The following HDAC9 variants were observed in gnomAD, a reference collection of about 807,000 sequenced individuals.
HDAC9 encodes the protein MEF-2 interacting transcription repressor (MITR) protein.
A neutral mutation model predicts 139.4 loss-of-function variants in HDAC9; 41 were observed. The ratio of observed to expected loss-of-function variants is 0.29; its 90% CI spans 0.23 to 0.38. HDAC9 has a LOEUF of 0.38. HDAC9 is among the 10% of genes least tolerant of loss of function. HDAC9 has a pLI of 1.00. For missense variants in HDAC9, 1,147 were observed against 1,297.0 expected (o/e 0.88, Z 1.78); for synonymous variants, 517 against 476.2 (o/e 1.09, Z -1.12).
At chr7:18,172,967 CT>C (rs1307436942) in intron 2 of HDAC9, among the ~76,000 whole-genome samples, 1 of 152,122 alleles carries the variant, frequency 6.6e-6, no homozygotes, top group Non-Finnish European at 1.5e-5. Flanking sequence ...TCTATTAGGT[CT>C]GCTTGGTGCA....
At chr7:18,122,313 T>C (rs1784409634) in intron 1 of HDAC9, among the ~76,000 whole-genome samples, 1 of 152,168 alleles carries the variant, frequency 6.6e-6, no homozygotes, top group African/African-American at 2.4e-5. Context: ...AGTATTCTTG[T>C]AGCGGGAGAA....
chr7:18,620,916 T>C (rs975070136), intron 6 of HDAC9, among the ~76,000 whole-genome samples: 15 of 152,190 alleles, frequency 9.9e-5, no homozygotes, highest in African/African-American at 2.7e-4. Flanking sequence ...TCTATTTACA[T>C]TGATAGAAGG....
At chr7:18,483,958 A>G (rs769759574) in intron 1 of HDAC9, among the ~76,000 whole-genome samples, 25 of 152,124 alleles carry the variant, frequency 1.6e-4, no homozygotes, top group Non-Finnish European at 2.5e-4. Flanking sequence ...CTATGTAATG[A>G]TCTACACAGT....
At position 18,146,296 on chromosome 7, in the gene HDAC9, A is replaced by G. The variant is rs187888510; in HGVS notation, c.-96-15933A>G. On this transcript the variant is annotated intron_variant, in intron 1 of 12. Coordinates refer to the HDAC9 transcript ENST00000417496. Reference sequence around the variant, plus strand: ...CCATTAGTACGTTGAATAGTATTCTATAAATGAATCTAGAATAATATGTTT... The same window carrying G: ...CCATTAGTACGTTGAATAGTATTCTGTAAATGAATCTAGAATAATATGTTT... 1.3e-3 allele frequency among the ~76,000 whole-genome samples: 196 copies of G among 152,326 alleles called. 1 individual carries two copies. Among genetic ancestry groups the G allele is most frequent in the Admixed American group, 2.5e-3 (38 of 15,302 alleles).
intron 25 of HDAC9, among the ~76,000 whole-genome samples, chr7:18,990,327 C>G (rs554024907): frequency 5.9e-4 from 89 of 151,808 alleles, no homozygotes; most frequent in African/African-American, 2.2e-3. Flanking sequence ...TCAGTGTGCC[C>G]CTGCTGAGGG....
chr7:18,246,605 G>A (rs991908325), intron 2 of HDAC9, among the ~76,000 whole-genome samples: 28 of 152,232 alleles, frequency 1.8e-4, no homozygotes, highest in African/African-American at 5.8e-4. Flanking sequence ...AGAGGCTCAT[G>A]TGGGCTGGAG....
chr7:18,643,795 A>G (rs776604603), intron 8 of HDAC9, among the ~76,000 whole-genome samples: 13 of 152,110 alleles, frequency 8.5e-5, no homozygotes, highest in African/African-American at 3.1e-4. Context: ...CCACTGTGTC[A>G]TACTGTTACA....
intron 22 of HDAC9, among the ~76,000 whole-genome samples, chr7:18,905,372 C>T (rs1802138222): frequency 6.6e-6 from 1 of 152,212 alleles, no homozygotes; most frequent in African/African-American, 2.4e-5. Context: ...TGTTGTCCCT[C>T]AGAAGCTAGA....
intron 24 of HDAC9, among the ~76,000 whole-genome samples, chr7:18,969,724 A>G (rs1784126656): frequency 6.6e-6 from 1 of 151,388 alleles, no homozygotes; most frequent in Non-Finnish European, 1.5e-5. Context: ...CGAACTTTGG[A>G]TGGATTAATG....
At chr7:18,822,351 T>TTGA (rs1377712136) in intron 17 of HDAC9, among the ~76,000 whole-genome samples, 1 of 141,944 alleles carries the variant, frequency 7.0e-6, no homozygotes, top group Non-Finnish European at 1.5e-5. Context: ...TGTTTGTTTG[T>TTGA]TGTTGTTGTT....
At chr7:18,266,757 A>G (rs1288588676) in intron 2 of HDAC9, among the ~76,000 whole-genome samples, 2 of 152,288 alleles carry the variant, frequency 1.3e-5, no homozygotes, top group African/African-American at 2.4e-5. Context: ...TTTACCTGCC[A>G]TCACTTCTGT....
chr7:18,631,835 A>T (rs73063173), intron 7 of HDAC9, among the ~76,000 whole-genome samples: 18,928 of 151,898 alleles, frequency 0.12, 1,433 homozygotes, highest in East Asian at 0.35. Context: ...TCATACACTG[A>T]GATCAGAGAT....
In HDAC9 at chr7:18,934,521, T is replaced by C. The variant is rs190144085; in HGVS notation, c.2804-1288T>C. ...AATGTAACTAACAGCACTGTGAAAT[T>C]ATGGGGAAAAGTCTATCTGTGTAAA... On this transcript the variant is annotated intron_variant, in intron 22 of 25. Transcript: ENST00000686413. 9.2e-5 allele frequency among the ~76,000 whole-genome samples: 14 copies of C among 152,262 alleles called. No homozygotes were observed. The East Asian group carries it at 2.7e-3, about 29-fold the overall frequency.
intron 2 of HDAC9, among the ~76,000 whole-genome samples, chr7:18,565,879 C>T (rs1205195552): frequency 1.3e-5 from 2 of 149,958 alleles, no homozygotes; most frequent in African/African-American, 2.5e-5. Flanking sequence ...ACCCTGGCAA[C>T]TTTAATTGGC....
chr7:18,904,725 G>A (rs1210922590), intron 22 of HDAC9, among the ~76,000 whole-genome samples: 6 of 151,050 alleles, frequency 4.0e-5, no homozygotes, highest in South Asian at 2.1e-4. Flanking sequence ...ACAGGCAACC[G>A]CCACCACGCC....
chr7:18,585,607 G>C, intron 3 of HDAC9, 85 bp downstream of exon 3: 1 of 1,491,224 alleles, frequency 6.7e-7, no homozygotes, highest in Non-Finnish European at 9.1e-7. Context: ...ACACTTTGCG[G>C]GTAGATTCAC....
intron 1 of HDAC9, among the ~76,000 whole-genome samples, chr7:18,487,804 A>G (rs1006327976): frequency 6.6e-6 from 1 of 152,064 alleles, no homozygotes; most frequent in African/African-American, 2.4e-5. Context: ...GTTATAGATC[A>G]TGGTGTGGTA....
intron 12 of HDAC9, among the ~76,000 whole-genome samples, chr7:18,687,717 A>C (rs1354681761): frequency 1.3e-5 from 2 of 151,904 alleles, no homozygotes; most frequent in African/African-American, 4.8e-5. Context: ...CCTGACTCAA[A>C]ATGAATAGGA....
intron 1 of HDAC9, among the ~76,000 whole-genome samples, chr7:18,146,097 T>C (rs73315766): frequency 0.024 from 3,642 of 152,318 alleles, 145 homozygotes; most frequent in African/African-American, 0.082. Flanking sequence ...AAATGTCTTA[T>C]TGAAGAAGAG....
Sources: allele counts gnomAD v4.1 joint callset (sites outside exome capture counted in the v4.1 genomes callset), GRCh38; gene constraint gnomAD v4.1.1; transcripts MANE v1.5; gene names NCBI Gene and HGNC (gene_info 2026-07-23, HGNC 2026-07-21).